The following SHOC1 variants were observed in gnomAD, a reference collection of about 807,000 sequenced individuals.
The protein encoded by SHOC1 is protein shortage in chiasmata 1 ortholog.
A neutral mutation model predicts 179.2 loss-of-function variants in SHOC1; 136 were observed. That is an observed-to-expected ratio of 0.76 (90% CI 0.66 to 0.87). The LOEUF (loss-of-function observed/expected upper bound fraction) is 0.87. Among genes scored for constraint, SHOC1 ranks in the 40% least tolerant of loss-of-function variants. The pLI, the probability that SHOC1 is intolerant of heterozygous loss-of-function variation, is 0.00. For synonymous variants in SHOC1, 489 were observed against 586.6 expected, an observed-to-expected ratio of 0.83 and a Z score of 2.41; for missense variants, 1,538 against 1,700.8, an observed-to-expected ratio of 0.90 and a Z score of 1.68.
intron 4 of SHOC1, among the ~76,000 whole-genome samples, chr9:111,780,415 G>A (rs1371771104): frequency 6.6e-6 from 1 of 151,890 alleles, no homozygotes; most frequent in Admixed American, 6.6e-5. Context: ...TTATGCTCTG[G>A]GTGCCTATCT....
chr9:111,709,845 C>T (rs1202181472), intron 18 of SHOC1, among the ~76,000 whole-genome samples: 1 of 152,118 alleles, frequency 6.6e-6, no homozygotes, highest in Non-Finnish European at 1.5e-5. Context: ...TTTCACATTG[C>T]ATGCCTGTAT....
intron 7 of SHOC1, among the ~76,000 whole-genome samples, chr9:111,757,735 G>A (rs1834933421): frequency 6.6e-6 from 1 of 152,148 alleles, no homozygotes; most frequent in African/African-American, 2.4e-5. Flanking sequence ...TAGTTCAGGT[G>A]TCAATTTTTA....
At chr9:111,791,221 A>T (rs1484120356) in intron 2 of SHOC1, among the ~76,000 whole-genome samples, 153 bp downstream of exon 2, 1 of 152,176 alleles carries the variant, frequency 6.6e-6, no homozygotes. Context: ...TATATATATA[A>T]AAATATTCCA....
intron 5 of SHOC1, among the ~76,000 whole-genome samples, chr9:111,769,508 C>G (rs1276965175): frequency 1.3e-5 from 2 of 152,106 alleles, no homozygotes; most frequent in Non-Finnish European, 2.9e-5. Context: ...TAGGGTCTCA[C>G]TCTGTCACCC....
In SHOC1 at chr9:111,707,854, C is replaced by T; in HGVS notation, c.2558+1G>A. 1.3e-6 allele frequency: 2 copies of T among 1,566,654 alleles called. No individual in the cohort carries two copies. The highest frequency in any genetic ancestry group is 1.7e-6 in the Non-Finnish European group (2 of 1,149,878). ...TCACAGATGAAGGAATGAATTTTTA[C>T]CCCCTTAAAACACCTTCAGATTCCA... On this transcript the variant is annotated splice_donor_variant, in intron 19 of 27. Transcript: ENST00000682961. LOFTEE classifies it high-confidence loss of function.
In SHOC1 at chr9:111,706,235, C is replaced by A. The variant is rs1001541504; in HGVS notation, c.2737+333G>T. Among the ~76,000 whole-genome samples the A allele has an allele frequency of 7.2e-5, 11 of 152,060 alleles. No homozygotes were observed. The South Asian group carries it at 1.2e-3, about 17-fold the overall frequency. On this transcript the variant is annotated intron_variant, in intron 20 of 27. Transcript: ENST00000682961. ...AATCAGTTAGCATACTATTACACAA[C>A]TGTCCCCTAAAAATCAATAAAAATA... is the stretch of plus-strand genomic sequence containing the variant.
chr9:111,759,184 C>T lies in SHOC1; in HGVS notation c.443-336G>A, dbSNP rs551988843. 3.1e-6 allele frequency: 5 copies of T among 1,612,842 alleles called. No homozygotes were observed. The Admixed American group carries it at 8.4e-5, about 27-fold the overall frequency. On this transcript the variant is annotated intron_variant, in intron 5 of 27. Coordinates refer to ENST00000682961, the MANE Select transcript of SHOC1 (RefSeq NM_001378211.1). ...TCAAAATAGCCAGGCGTAGCCTAAGCAAAATTTTAAAGAAATAGAAGTATT... is the reference window on the plus strand; with the variant it reads ...TCAAAATAGCCAGGCGTAGCCTAAGTAAAATTTTAAAGAAATAGAAGTATT...
At chr9:111,771,259 T>C in intron 5 of SHOC1, among the ~76,000 whole-genome samples, 1 of 152,160 alleles carries the variant, frequency 6.6e-6, no homozygotes, top group Non-Finnish European at 1.5e-5. Context: ...TATTTTGGAT[T>C]ACAAAGAAAG....
rs578239842 is a variant in SHOC1, at chr9:111,791,062, T to C, written c.45+312A>G. 2.6e-5 allele frequency among the ~76,000 whole-genome samples: 4 copies of C among 152,318 alleles called. No individual in the cohort carries two copies. The East Asian group carries it at 7.7e-4, about 29-fold the overall frequency. ...TACTGGCACTTTTGCTTTTTGATGG[T>C]TAGTTCAGTGTACACAAACTTTGTT... On this transcript the variant is annotated intron_variant, in intron 2 of 27. Transcript: ENST00000682961.
intron 9 of SHOC1, 34 bp downstream of exon 9, chr9:111,748,058 C>A (rs1456344864): frequency 7.2e-7 from 1 of 1,382,916 alleles, no homozygotes; most frequent in East Asian, 2.3e-5. Context: ...ATAGGTAATC[C>A]CCAATAAGCT....
intron 5 of SHOC1, chr9:111,759,298 G>A (rs1056166283): frequency 1.9e-6 from 3 of 1,609,644 alleles, no homozygotes; most frequent in Non-Finnish European, 2.5e-6. Context: ...TGTAGGGAAT[G>A]GAGATGGTCT....
At chr9:111,790,807 A>G (rs539360621) in intron 2 of SHOC1, among the ~76,000 whole-genome samples, 1 of 152,328 alleles carries the variant, frequency 6.6e-6, no homozygotes, top group South Asian at 2.1e-4. Context: ...CGGCCTCCCA[A>G]AGTGCTGGGA....
Position 111,775,993 on chromosome 9 carries a change from T to A in SHOC1, c.258-18A>T, listed in dbSNP as rs1468468259. ...TTGTTTTTCTGTGACAATATAAAAT[T>A]ACTAATGTTATGTATGTCCTATTTT... On this transcript the variant is annotated intron_variant, in intron 4 of 27. Transcript: ENST00000682961. 1 of 1,594,102 alleles carries A rather than the reference T, an allele frequency of 6.3e-7. No individual in the cohort carries two copies. Among genetic ancestry groups the A allele is most frequent in the East Asian group, 2.2e-5 (1 of 44,560 alleles).
intron 3 of SHOC1, among the ~76,000 whole-genome samples, chr9:111,782,204 T>C (rs1836090151): frequency 6.6e-6 from 1 of 152,084 alleles, no homozygotes; most frequent in African/African-American, 2.4e-5. Flanking sequence ...AGAGTAAGAC[T>C]TCATATCAAA....
intron 12 of SHOC1, chr9:111,737,985 A>G: frequency 2.6e-6 from 1 of 384,114 alleles, no homozygotes; most frequent in Non-Finnish European, 4.6e-6. Context: ...TAGCAATTTA[A>G]TCATTTATAA....
In SHOC1 at chr9:111,794,274, C is replaced by T. The variant is rs867248324; in HGVS notation, c.-37+626G>A. ...TTCTTCACTCCCTCGCATAAAAACC[C>T]ACTTAAAAAAAAAAAAATAATAAGA... is the stretch of plus-strand genomic sequence containing the variant. On this transcript the variant is annotated intron_variant, in intron 1 of 27. Transcript: ENST00000682961. 9.8e-4 allele frequency among the ~76,000 whole-genome samples: 6 copies of T among 6,128 alleles called. No homozygotes were observed. The Admixed American group carries it at 0.013, about 13-fold the overall frequency. The allele number at this position is 6,128 out of a possible 152,430, so 4.0% of individuals were successfully genotyped here. A position where few individuals can be genotyped will look rare whatever the true frequency, so the allele number is the denominator to read the frequency against.
rs1227569812 is a variant in SHOC1, at chr9:111,728,188, A to G, written c.1418-139T>C. Reference sequence around the variant, plus strand: ...GAGCACTTTGTTTACTGCTTTGAAAATCAATTTTTGGTCTGAATAAAATAA... The same window carrying G: ...GAGCACTTTGTTTACTGCTTTGAAAGTCAATTTTTGGTCTGAATAAAATAA... On this transcript the variant is annotated intron_variant, in intron 12 of 27. Transcript: ENST00000682961. The G allele has an allele frequency of 2.8e-5, 17 of 608,486 alleles. No individual in the cohort carries two copies. The Admixed American group carries it at 6.4e-4, about 23-fold the overall frequency. 37.7% of individuals were successfully genotyped at this position (608,486 alleles called of 1,614,324 possible).
intron 5 of SHOC1, among the ~76,000 whole-genome samples, chr9:111,759,821 A>G (rs1835059950): frequency 6.6e-6 from 1 of 152,152 alleles, no homozygotes; most frequent in African/African-American, 2.4e-5. Context: ...GTATGCAGGC[A>G]GCAAGGGAAC....
intron 15 of SHOC1, among the ~76,000 whole-genome samples, chr9:111,720,423 T>G (rs1019263525): frequency 1.3e-5 from 2 of 152,216 alleles, no homozygotes; most frequent in Non-Finnish European, 2.9e-5. Context: ...AGTAATTTGA[T>G]TATGTGGACC....
Sources: allele counts gnomAD v4.1 joint callset (sites outside exome capture counted in the v4.1 genomes callset), GRCh38; gene constraint gnomAD v4.1.1; transcripts MANE v1.5; gene names NCBI Gene and HGNC (gene_info 2026-07-23, HGNC 2026-07-21).